PPP2CA: variants seen among roughly 807,000 people sequenced by gnomAD.
The protein encoded by PPP2CA is protein phosphatase 2 catalytic subunit alpha, also known as serine/threonine-protein phosphatase 2A catalytic subunit alpha isoform.
In PPP2CA, 5 loss-of-function variants were observed where a neutral mutation model predicts 38.8. The observed-to-expected ratio is 0.13, with a 90% CI of 0.07 to 0.27. The LOEUF (loss-of-function observed/expected upper bound fraction) is 0.27. Among genes scored for constraint, PPP2CA ranks in the 10% least tolerant of loss-of-function variants. The probability of loss-of-function intolerance (pLI) is 1.00; values close to 1 mark genes in which losing one functional copy is unlikely to be tolerated. For synonymous variants in PPP2CA, 152 were observed against 134.0 expected, an observed-to-expected ratio of 1.13 and a Z score of -0.93; for missense variants, 88 against 389.7, an observed-to-expected ratio of 0.23 and a Z score of 6.52.
At chr5:134,214,463 C>G (rs1458305708) in intron 1 of PPP2CA, among the ~76,000 whole-genome samples, 1 of 152,102 alleles carries the variant, frequency 6.6e-6, no homozygotes, top group Non-Finnish European at 1.5e-5. Flanking sequence ...ATAGCATTAA[C>G]TTTTTTTGTT....
chr5:134,200,547 C>T (rs1055418110), intron 4 of PPP2CA, 51 bp from the exon 5 acceptor site: 13 of 1,579,148 alleles, frequency 8.2e-6, no homozygotes, highest in Non-Finnish European at 1.0e-5. Flanking sequence ...ATGGTTAACA[C>T]ATTATTTGAG....
chr5:134,225,227 T>C (rs1193690190), intron 1 of PPP2CA, among the ~76,000 whole-genome samples: 1 of 152,214 alleles, frequency 6.6e-6, no homozygotes, highest in Non-Finnish European at 1.5e-5. Context: ...CTGGAGAAGA[T>C]CGCTTGGTGA....
intron 1 of PPP2CA, among the ~76,000 whole-genome samples, chr5:134,214,660 T>C (rs184003310): frequency 6.6e-6 from 1 of 152,354 alleles, no homozygotes; most frequent in Non-Finnish European, 1.5e-5. Flanking sequence ...CTTATACAAG[T>C]TGTCCATGAA....
intron 1 of PPP2CA, chr5:134,225,441 C>T: frequency 3.6e-6 from 1 of 275,274 alleles, no homozygotes; most frequent in Non-Finnish European, 7.0e-6. Flanking sequence ...GCCAGCTCAC[C>T]CTCAAAACCG....
At chr5:134,210,098 G>C (rs1762173400) in intron 1 of PPP2CA, among the ~76,000 whole-genome samples, 1 of 126,080 alleles carries the variant, frequency 7.9e-6, no homozygotes, top group African/African-American at 3.0e-5. Flanking sequence ...CAGCCTGGTA[G>C]ACAGCCATCT....
intron 2 of PPP2CA, 176 bp downstream of exon 2, chr5:134,205,745 TC>T: frequency 1.8e-6 from 1 of 570,904 alleles, no homozygotes; most frequent in Non-Finnish European, 3.1e-6. Context: ...TTCTGTACCA[TC>T]CCCTTACTCA....
intron 5 of PPP2CA, among the ~76,000 whole-genome samples, chr5:134,199,608 T>A (rs561722923): frequency 6.6e-6 from 1 of 152,188 alleles, no homozygotes; most frequent in African/African-American, 2.4e-5. Flanking sequence ...GAGAAGTAGA[T>A]ACTTAATCCT....
intron 6 of PPP2CA, among the ~76,000 whole-genome samples, chr5:134,198,522 A>C (rs996522714): frequency 1.3e-5 from 2 of 152,156 alleles, no homozygotes; most frequent in African/African-American, 2.4e-5. Flanking sequence ...TAAAAAAAAA[A>C]CAAAACTTAA....
intron 1 of PPP2CA, among the ~76,000 whole-genome samples, chr5:134,215,604 AAG>A (rs949149471): frequency 3.2e-4 from 48 of 151,810 alleles, no homozygotes; most frequent in African/African-American, 1.0e-3. Flanking sequence ...AAAAATAAAA[AAG>A]TAAAAATTTT....
intron 1 of PPP2CA, among the ~76,000 whole-genome samples, chr5:134,217,523 T>G (rs758090904): frequency 6.6e-6 from 1 of 152,166 alleles, no homozygotes; most frequent in African/African-American, 2.4e-5. Flanking sequence ...CAAAAAAAAT[T>G]TTTTCAATAT....
rs775878624 is a variant in PPP2CA at position 134,197,880 on chromosome 5, C to T, written c.858-36G>A. 106 of 1,559,844 alleles carry T rather than the reference C, an allele frequency of 6.8e-5. No individual in the cohort carries two copies. In the East Asian group the frequency reaches 1.1e-3, roughly 15 times the overall value. On this transcript the variant is annotated intron_variant, in intron 6 of 6. Coordinates refer to ENST00000481195, the MANE Select transcript of PPP2CA (RefSeq NM_002715.4). ...AGACCGATTCATGGTTTATGTTCCA[C>T]GACCTCCATGTAGTGACAATCAAGA...
intron 1 of PPP2CA, among the ~76,000 whole-genome samples, chr5:134,212,607 C>T (rs1029823877): frequency 9.2e-5 from 14 of 152,236 alleles, no homozygotes; most frequent in African/African-American, 3.4e-4. Context: ...ATATCTCTCA[C>T]TTTAAATGAA....
intron 1 of PPP2CA, among the ~76,000 whole-genome samples, chr5:134,214,324 G>A (rs1026894094): frequency 1.3e-5 from 2 of 151,968 alleles, no homozygotes; most frequent in African/African-American, 4.8e-5. Flanking sequence ...ATACTAACTC[G>A]TTTCTACATT....
chr5:134,225,470 A>T (rs1188006174), intron 1 of PPP2CA: 1 of 356,106 alleles, frequency 2.8e-6, no homozygotes, highest in African/African-American at 2.2e-5. Context: ...GATGACCCAC[A>T]GGGTCTCCGC....
intron 3 of PPP2CA, 22 bp downstream of exon 3, chr5:134,201,826 A>T: frequency 6.2e-7 from 1 of 1,605,494 alleles, no homozygotes; most frequent in African/African-American, 1.3e-5. Context: ...AATAATCAGC[A>T]ATGAGTTTTA....
At chr5:134,222,836 C>A (rs545634586) in intron 1 of PPP2CA, among the ~76,000 whole-genome samples, 1 of 152,218 alleles carries the variant, frequency 6.6e-6, no homozygotes, top group East Asian at 1.9e-4. Flanking sequence ...GTATACTATA[C>A]ACTAACAACC....
At chr5:134,207,571 T>C (rs201730831) in intron 1 of PPP2CA, among the ~76,000 whole-genome samples, 46 of 152,252 alleles carry the variant, frequency 3.0e-4, no homozygotes, top group African/African-American at 1.0e-3. Context: ...GGCGGGTGGA[T>C]GGCTTGACCC....
chr5:134,198,566 CTTAA>C (rs902957782), intron 6 of PPP2CA, among the ~76,000 whole-genome samples: 1 of 151,996 alleles, frequency 6.6e-6, no homozygotes, highest in African/African-American at 2.4e-5. Flanking sequence ...AGCATAATCC[CTTAA>C]TAAACACTTT....
At chr5:134,215,538 G>A (rs1008621052) in intron 1 of PPP2CA, among the ~76,000 whole-genome samples, 15 of 152,104 alleles carry the variant, frequency 9.9e-5, no homozygotes, top group African/African-American at 3.6e-4. Context: ...TCATGCCACT[G>A]CACTCCAGCC....
Sources: gnomAD v4.1 joint callset for allele counts (sites outside exome capture counted in the v4.1 genomes callset) on GRCh38, gnomAD v4.1.1 for gene constraint, MANE v1.5 for transcripts, NCBI Gene and HGNC (gene_info 2026-07-23, HGNC 2026-07-21) for gene names.